RP1: variants seen among roughly 807,000 people sequenced by gnomAD.
The protein encoded by RP1 is RP1 axonemal microtubule associated, also known as oxygen-regulated protein 1.
In RP1, 16 loss-of-function variants were observed where a neutral mutation model predicts 14.8. That is an observed-to-expected ratio of 1.08 (90% confidence interval 0.73 to 1.65). RP1 has a LOEUF of 1.65. Among genes scored for constraint, RP1 ranks in the 40% most tolerant of loss-of-function variants. The pLI, the probability that RP1 is intolerant of heterozygous loss-of-function variation, is 0.00. For synonymous variants in RP1, 876 were observed against 883.6 expected (o/e 0.99, Z 0.15); for missense variants, 2,631 against 2,535.0 (o/e 1.04, Z -0.81).
chr8:54,812,806 T>TATCTATC (rs774921416), intron 24 of RP1, among the ~76,000 whole-genome samples: 2,441 of 134,664 alleles, frequency 0.018, 26 homozygotes, highest in African/African-American at 0.033. Flanking sequence ...TCTATCTATC[T>TATCTATC]ATCTCTCCGT....
chr8:54,633,498 C>A (rs182778790), downstream of RP1, among the ~76,000 whole-genome samples: 79 of 152,192 alleles, frequency 5.2e-4, no homozygotes, highest in African/African-American at 1.6e-3. Flanking sequence ...TTGTGGCACT[C>A]ATTAAAGTTC....
chr8:54,840,631 T>C (rs1327608728), intron 25 of RP1, among the ~76,000 whole-genome samples: 1 of 149,908 alleles, frequency 6.7e-6, no homozygotes, highest in African/African-American at 2.4e-5. Flanking sequence ...GTGTTTTTTT[T>C]TTTTAATTTG....
intron 24 of RP1, among the ~76,000 whole-genome samples, chr8:54,811,268 A>G (rs774461866): frequency 6.6e-6 from 1 of 152,110 alleles, no homozygotes; most frequent in Non-Finnish European, 1.5e-5. Context: ...TCTGCACTTC[A>G]CCAGCATCCT....
chr8:54,622,807 G>T (rs1364640221), intron 3 of RP1, among the ~76,000 whole-genome samples: 1 of 152,184 alleles, frequency 6.6e-6, no homozygotes. Context: ...ATTCATGCTG[G>T]TTAATGGTAA....
intron 1 of RP1, among the ~76,000 whole-genome samples, chr8:54,565,759 T>A (rs1804391355): frequency 6.6e-6 from 1 of 152,172 alleles, no homozygotes; most frequent in Admixed American, 6.5e-5. Context: ...TCAGACTTAC[T>A]TCCTACATTA....
intron 12 of RP1, among the ~76,000 whole-genome samples, chr8:54,683,603 A>G (rs1289554002): frequency 6.6e-6 from 1 of 151,956 alleles, no homozygotes; most frequent in Non-Finnish European, 1.5e-5. Context: ...GGCTCTCTGC[A>G]TGCTTGTTGT....
At chr8:54,600,904 C>A in intron 1 of RP1, among the ~76,000 whole-genome samples, 1 of 152,188 alleles carries the variant, frequency 6.6e-6, no homozygotes, top group Non-Finnish European at 1.5e-5. Flanking sequence ...ACCCAGAGAA[C>A]ACACTGCTGT....
chr8:54,663,611 C>A, intron 6 of RP1: 1 of 1,283,888 alleles, frequency 7.8e-7, no homozygotes, highest in Non-Finnish European at 1.0e-6. Flanking sequence ...GGAACTTTTC[C>A]ACCATGGATA....
intron 5 of RP1, among the ~76,000 whole-genome samples, chr8:54,653,215 A>C (rs913471718): frequency 5.3e-5 from 8 of 152,198 alleles, no homozygotes; most frequent in African/African-American, 1.9e-4. Flanking sequence ...GTGTTGATGA[A>C]ATAATAGTCT....
In RP1 at chr8:54,826,601, T is replaced by C. The variant is rs896315976; in HGVS notation, c.3616-10849T>C. ...ACTCCTATGAAAATTGCAGAAATAT[T>C]TTTTACATCAAATAATCCAATCATA... On this transcript the variant is annotated intron_variant, in intron 24 of 28. Coordinates refer to the RP1 transcript ENST00000637698. Among the ~76,000 whole-genome samples the C allele has an allele frequency of 1.3e-4, 9 of 71,750 alleles. No individual in the cohort carries two copies. In the East Asian group the frequency reaches 3.7e-3, roughly 29 times the overall value. 47.1% of individuals were successfully genotyped at this position (71,750 alleles called of 152,430 possible). A position where few individuals can be genotyped will look rare whatever the true frequency, so the allele number is the denominator to read the frequency against.
chr8:54,701,605 T>TG lies in RP1; in HGVS notation c.1942dup (p.Asp648GlyfsTer43). 1 of 1,535,798 alleles carries TG rather than the reference T, an allele frequency of 6.5e-7. No homozygotes were observed. Among genetic ancestry groups the TG allele is most frequent in the Non-Finnish European group, 8.7e-7 (1 of 1,146,670 alleles). ...TTTTTGATCGTCATGGCAAAATAGC[T>TG]GATGCATCATCAGCAGGCTATGCAA... is the stretch of plus-strand genomic sequence containing the variant. On this transcript the variant is annotated frameshift_variant, in exon 14 of 23. Coordinates refer to the RP1 transcript ENST00000636932. LOFTEE classifies it high-confidence loss of function.
chr8:54,759,154 G>GTGTGTGTGTGTGTGTGTGTGTGTT, intron 22 of RP1: 1 of 1,313,376 alleles, frequency 7.6e-7, no homozygotes. Context: ...GTGTGTGTGT[G>GTGTGTGTGTGTGTGTGTGTGTGTT]TGTGTGTGTG....
intron 12 of RP1, among the ~76,000 whole-genome samples, chr8:54,698,125 G>A (rs1474803753): frequency 6.6e-6 from 1 of 151,920 alleles, no homozygotes; most frequent in African/African-American, 2.4e-5. Flanking sequence ...TGGGAGAAAA[G>A]TTTTGCAATC....
chr8:54,832,328 G>A (rs1299283004), intron 24 of RP1, among the ~76,000 whole-genome samples: 1 of 151,506 alleles, frequency 6.6e-6, no homozygotes, highest in Non-Finnish European at 1.5e-5. Context: ...CTGTTAAATT[G>A]TTTTACTAAT....
chr8:54,775,509 A>G (rs914863268), intron 23 of RP1, among the ~76,000 whole-genome samples: 2 of 152,144 alleles, frequency 1.3e-5, no homozygotes, highest in Non-Finnish European at 2.9e-5. Context: ...AATGAAGGCC[A>G]TTGCTCTGAC....
intron 24 of RP1, among the ~76,000 whole-genome samples, chr8:54,810,789 A>T (rs1304920162): frequency 6.6e-6 from 1 of 152,226 alleles, no homozygotes; most frequent in Non-Finnish European, 1.5e-5. Flanking sequence ...TCACAACTGC[A>T]GATCACCACT....
exon 29 of RP1, chr8:54,869,990 GATCT>G: frequency 1.1e-6 from 1 of 875,564 alleles, no homozygotes; most frequent in Non-Finnish European, 1.5e-6. Flanking sequence ...AAAGGCTATT[GATCT>G]GATTGTGATA....
chr8:54,830,737 C>T (rs1023293953), intron 24 of RP1, among the ~76,000 whole-genome samples: 3 of 152,082 alleles, frequency 2.0e-5, no homozygotes, highest in African/African-American at 4.8e-5. Flanking sequence ...CGTTTTGAAA[C>T]GTACCATTCA....
chr8:54,603,233 T>A, intron 1 of RP1, among the ~76,000 whole-genome samples: 1 of 152,038 alleles, frequency 6.6e-6, no homozygotes, highest in Non-Finnish European at 1.5e-5. Context: ...AAGGAAGGGA[T>A]CCTGTTTCAG....
Sources: gnomAD v4.1 joint callset for allele counts (sites outside exome capture counted in the v4.1 genomes callset) on GRCh38, gnomAD v4.1.1 for gene constraint, MANE v1.5 for transcripts, NCBI Gene and HGNC (gene_info 2026-07-23, HGNC 2026-07-21) for gene names.